The following OR9Q1 variants were observed in gnomAD, a reference collection of about 807,000 sequenced individuals.
The protein encoded by OR9Q1 is olfactory receptor 9Q1.
For synonymous variants in OR9Q1, 153 were observed against 148.6 expected (o/e 1.03, Z -0.22); for missense variants, 374 against 378.8 (o/e 0.99, Z 0.11).
chr11:58,092,653 G>T (rs187485727), intron 2 of OR9Q1, among the ~76,000 whole-genome samples: 10 of 151,700 alleles, frequency 6.6e-5, no homozygotes, highest in African/African-American at 2.4e-4. Flanking sequence ...TTCTTTTTTC[G>T]TTTCTCCTTT....
intron 2 of OR9Q1, among the ~76,000 whole-genome samples, chr11:58,112,588 CTGAT>C (rs1214838125): frequency 1.3e-5 from 2 of 152,154 alleles, no homozygotes; most frequent in African/African-American, 4.8e-5. Context: ...CATACTCTCT[CTGAT>C]TGACCTCTTT....
At chr11:58,043,496 A>G (rs1853186660) in intron 1 of OR9Q1, among the ~76,000 whole-genome samples, 1 of 152,206 alleles carries the variant, frequency 6.6e-6, no homozygotes, top group African/African-American at 2.4e-5. Flanking sequence ...AATAGAGTCC[A>G]TGCTCCAGAG....
At chr11:58,037,779 C>T (rs1392655497) in intron 1 of OR9Q1, among the ~76,000 whole-genome samples, 4 of 128,160 alleles carry the variant, frequency 3.1e-5, no homozygotes, top group African/African-American at 6.0e-5. Context: ...GATGCAGTGG[C>T]GCGATCTCGG....
intron 2 of OR9Q1, among the ~76,000 whole-genome samples, chr11:58,068,864 G>T (rs1407600323): frequency 6.6e-6 from 1 of 152,100 alleles, no homozygotes; most frequent in Non-Finnish European, 1.5e-5. Flanking sequence ...GGCCTGAAGG[G>T]AGCACCAGGG....
intron 2 of OR9Q1, among the ~76,000 whole-genome samples, chr11:58,106,148 A>G (rs1853837775): frequency 7.0e-6 from 1 of 142,102 alleles, no homozygotes; most frequent in South Asian, 2.5e-4. Flanking sequence ...TTTCTCACCA[A>G]CATTTGCTAT....
chr11:58,164,064 G>A (rs1489742278), intron 2 of OR9Q1, among the ~76,000 whole-genome samples: 2 of 152,172 alleles, frequency 1.3e-5, no homozygotes, highest in African/African-American at 4.8e-5. Flanking sequence ...CTATGACAGT[G>A]TTGGGGCAAA....
At chr11:58,163,378 G>A (rs942730973) in intron 2 of OR9Q1, among the ~76,000 whole-genome samples, 20 of 152,184 alleles carry the variant, frequency 1.3e-4, no homozygotes, top group African/African-American at 4.8e-4. Flanking sequence ...TGTGCAGATG[G>A]TCCCCACCTG....
intron 2 of OR9Q1, among the ~76,000 whole-genome samples, chr11:58,129,465 C>T (rs1466993491): frequency 6.6e-6 from 1 of 152,222 alleles, no homozygotes; most frequent in East Asian, 1.9e-4. Context: ...ATTGGCTTCC[C>T]ATTGCACTTA....
intron 1 of OR9Q1, among the ~76,000 whole-genome samples, chr11:58,034,792 C>CCCTTTCTCCCTTCCTTCCTTCCTTCCTT (rs1853082497): frequency 1.0e-5 from 1 of 96,050 alleles, no homozygotes. Context: ...CCTCCTTTCT[C>CCCTTTCTCCCTTCCTTCCTTCCTTCCTT]CCTTCCTTCC....
intron 1 of OR9Q1, among the ~76,000 whole-genome samples, chr11:58,030,493 T>G (rs1853020840): frequency 6.6e-6 from 1 of 152,260 alleles, no homozygotes; most frequent in Admixed American, 6.5e-5. Context: ...TAGGTATGCT[T>G]GCTTGGGAAA....
intron 2 of OR9Q1, among the ~76,000 whole-genome samples, chr11:58,151,912 G>C (rs530442869): frequency 6.5e-4 from 99 of 152,226 alleles, no homozygotes; most frequent in African/African-American, 2.3e-3. Context: ...CTGTAGGTAA[G>C]GGAATTGGGG....
chr11:58,107,718 A>T (rs1001072078), intron 2 of OR9Q1, among the ~76,000 whole-genome samples: 7 of 151,196 alleles, frequency 4.6e-5, no homozygotes, highest in African/African-American at 1.5e-4. Context: ...ACTAGTTTAC[A>T]CTCGAATGTG....
rs542017465 is a variant in OR9Q1, at chr11:58,147,439, T to C, written c.-14-31992T>C. Among the ~76,000 whole-genome samples the C allele has an allele frequency of 2.7e-4, 41 of 152,334 alleles. No individual in the cohort carries two copies. In the South Asian group the frequency reaches 7.0e-3, roughly 26 times the overall value. On this transcript the variant is annotated intron_variant, in intron 2 of 2. Coordinates refer to ENST00000335397, the MANE Select transcript of OR9Q1 (RefSeq NM_001005212.4). ...AAACCACCCCTTACTGGGCTGCTTC[T>C]GTGCTTAAAGGCAGGAAAAGTCTTC...
At chr11:58,128,860 T>C (rs1854114540) in intron 2 of OR9Q1, among the ~76,000 whole-genome samples, 1 of 152,226 alleles carries the variant, frequency 6.6e-6, no homozygotes, top group Non-Finnish European at 1.5e-5. Context: ...AAAAATTTCA[T>C]ATGTCAAAAC....
chr11:58,078,707 CT>C (rs1853562354), intron 2 of OR9Q1: 1 of 152,134 alleles, frequency 6.6e-6, no homozygotes, highest in East Asian at 1.9e-4. Context: ...TGAGGATGTC[CT>C]AGGCATATCT....
intron 2 of OR9Q1, among the ~76,000 whole-genome samples, chr11:58,095,477 T>C (rs1853721662): frequency 6.6e-6 from 1 of 152,214 alleles, no homozygotes; most frequent in South Asian, 2.1e-4. Context: ...GGGTAATTTA[T>C]AAAGGAAAGA....
intron 2 of OR9Q1, among the ~76,000 whole-genome samples, chr11:58,081,980 T>C (rs57389183): frequency 0.13 from 19,706 of 151,560 alleles, 1,526 homozygotes; most frequent in South Asian, 0.2. Flanking sequence ...TAGGTCTTCT[T>C]CATTTATGCA....
chr11:58,142,244 A>G (rs1287790269), intron 2 of OR9Q1, among the ~76,000 whole-genome samples: 1 of 152,160 alleles, frequency 6.6e-6, no homozygotes, highest in East Asian at 1.9e-4. Flanking sequence ...GAACATATAT[A>G]TGCCAGGCTC....
chr11:58,057,845 A>T (rs751267723), intron 2 of OR9Q1: 2 of 152,238 alleles, frequency 1.3e-5, no homozygotes, highest in Non-Finnish European at 2.9e-5. Flanking sequence ...GCTGTAGCCC[A>T]TAACATGCAT....
Sources: gnomAD v4.1 joint callset for allele counts (sites outside exome capture counted in the v4.1 genomes callset) on GRCh38, gnomAD v4.1.1 for gene constraint, MANE v1.5 for transcripts, NCBI Gene and HGNC (gene_info 2026-07-23, HGNC 2026-07-21) for gene names.